The following CSMD1 variants were observed in gnomAD, a reference collection of about 807,000 sequenced individuals.
CSMD1 encodes CUB and sushi domain-containing protein 1.
Under a neutral mutation model 417.5 loss-of-function variants are expected in CSMD1, and 213 were observed. The observed-to-expected ratio is 0.51, with a 90% confidence interval of 0.46 to 0.57. The LOEUF (loss-of-function observed/expected upper bound fraction) is 0.57, where lower values mean the gene tolerates loss of function less well. Among genes scored for constraint, CSMD1 ranks in the 20% least tolerant of loss-of-function variants. The pLI, the probability that CSMD1 is intolerant of heterozygous loss-of-function variation, is 0.00. For synonymous variants in CSMD1, 2,862 were observed against 1,736.8 expected (o/e 1.65, Z -16.11); for missense variants, 6,923 against 4,529.7 (o/e 1.53, Z -15.17).
At chr8:4,769,271 G>C (rs1049832588) in intron 1 of CSMD1, among the ~76,000 whole-genome samples, 1 of 152,172 alleles carries the variant, frequency 6.6e-6, no homozygotes, top group African/African-American at 2.4e-5. Flanking sequence ...AACAAATTGA[G>C]TGCCTGAAAG....
At chr8:4,887,016 G>C (rs1203149299) in intron 1 of CSMD1, among the ~76,000 whole-genome samples, 1 of 151,748 alleles carries the variant, frequency 6.6e-6, no homozygotes, top group African/African-American at 2.4e-5. Context: ...CCTCTTGCTT[G>C]GTTTGTGTTA....
At chr8:4,198,850 G>T (rs187163703) in intron 3 of CSMD1, among the ~76,000 whole-genome samples, 1 of 151,924 alleles carries the variant, frequency 6.6e-6, no homozygotes, top group Non-Finnish European at 1.5e-5. Context: ...GAGAGACAGC[G>T]CAACAATATC....
intron 3 of CSMD1, among the ~76,000 whole-genome samples, chr8:4,341,693 G>A (rs1032556107): frequency 2.0e-5 from 3 of 152,090 alleles, no homozygotes; most frequent in Non-Finnish European, 2.9e-5. Context: ...CAAGATAAAT[G>A]GAAACCTAAG....
chr8:3,730,287 T>C (rs748406192), intron 6 of CSMD1, among the ~76,000 whole-genome samples: 1 of 151,810 alleles, frequency 6.6e-6, no homozygotes, highest in African/African-American at 2.4e-5. Flanking sequence ...GGATGCATCA[T>C]CCCTGACTCA....
At chr8:4,290,553 A>G (rs903206821) in intron 3 of CSMD1, among the ~76,000 whole-genome samples, 3 of 152,202 alleles carry the variant, frequency 2.0e-5, no homozygotes. Context: ...AAGATGAAGA[A>G]GGGCCATTCA....
At chr8:4,266,117 G>A (rs1009741241) in intron 3 of CSMD1, among the ~76,000 whole-genome samples, 1 of 102,744 alleles carries the variant, frequency 9.7e-6, no homozygotes, top group Non-Finnish European at 2.6e-5. Context: ...TGATCATTTG[G>A]AACTGACTTA....
intron 12 of CSMD1, among the ~76,000 whole-genome samples, chr8:3,461,049 T>A (rs186095809): frequency 6.6e-6 from 1 of 152,308 alleles, no homozygotes; most frequent in Admixed American, 6.5e-5. Context: ...TTACAGCACA[T>A]GAGTTCATGT....
chr8:3,409,648 A>G, intron 12 of CSMD1, 43 bp from the exon 13 acceptor site: 1 of 1,459,218 alleles, frequency 6.9e-7, no homozygotes, highest in South Asian at 1.4e-5. Context: ...AAACACACAC[A>G]AGGAATATTT....
intron 6 of CSMD1, among the ~76,000 whole-genome samples, chr8:3,710,593 C>A (rs1161814331): frequency 6.6e-6 from 1 of 152,150 alleles, no homozygotes; most frequent in Admixed American, 6.5e-5. Context: ...CCTCTCTGGT[C>A]TTCCTGTGCT....
chr8:3,135,436 C>T (rs1365567534), intron 41 of CSMD1, among the ~76,000 whole-genome samples: 1 of 151,354 alleles, frequency 6.6e-6, no homozygotes, highest in South Asian at 2.1e-4. Context: ...GTGAAGTCTG[C>T]TGATCACATT....
At chr8:3,611,514 T>A (rs1287081194) in intron 8 of CSMD1, among the ~76,000 whole-genome samples, 1 of 151,160 alleles carries the variant, frequency 6.6e-6, no homozygotes, top group Non-Finnish European at 1.5e-5. Flanking sequence ...TGAATGAGTC[T>A]TTTACTTCAA....
At chr8:4,827,301 A>T (rs1275736128) in intron 1 of CSMD1, among the ~76,000 whole-genome samples, 1 of 152,140 alleles carries the variant, frequency 6.6e-6, no homozygotes, top group African/African-American at 2.4e-5. Flanking sequence ...AAGCAGAAAG[A>T]CCAGAATGGT....
intron 52 of CSMD1, among the ~76,000 whole-genome samples, chr8:3,005,463 C>T (rs1000029620): frequency 2.6e-5 from 4 of 152,066 alleles, no homozygotes; most frequent in Non-Finnish European, 5.9e-5. Context: ...GGCAGAAACA[C>T]AACCAAAAAA....
At chr8:3,561,163 G>A (rs1026709723) in intron 10 of CSMD1, among the ~76,000 whole-genome samples, 2 of 152,174 alleles carry the variant, frequency 1.3e-5, no homozygotes, top group African/African-American at 4.8e-5. Context: ...GCAAGGATGT[G>A]CAGAAAGCAA....
chr8:4,367,590 A>G (rs886636847), intron 3 of CSMD1, among the ~76,000 whole-genome samples: 2 of 152,062 alleles, frequency 1.3e-5, no homozygotes, highest in Admixed American at 6.5e-5. Context: ...TCTTTTTCTA[A>G]TTCTGTAAAA....
intron 3 of CSMD1, among the ~76,000 whole-genome samples, chr8:4,131,619 G>A (rs563273624): frequency 6.6e-6 from 1 of 152,000 alleles, no homozygotes; most frequent in Non-Finnish European, 1.5e-5. Flanking sequence ...CTTGAGAATA[G>A]GTACAGCTTC....
intron 3 of CSMD1, among the ~76,000 whole-genome samples, chr8:4,382,122 CAAT>C (rs1439984472): frequency 6.6e-6 from 1 of 152,104 alleles, no homozygotes; most frequent in Non-Finnish European, 1.5e-5. Context: ...GAATGCACTT[CAAT>C]AAAGGACATC....
At chr8:4,892,270 C>G (rs1178549439) in intron 1 of CSMD1, among the ~76,000 whole-genome samples, 2 of 152,000 alleles carry the variant, frequency 1.3e-5, no homozygotes, top group Admixed American at 6.6e-5. Flanking sequence ...CCTGGGTAGC[C>G]AGGTGTCCCT....
At chr8:3,955,594 C>G (rs1430764597) in intron 5 of CSMD1, among the ~76,000 whole-genome samples, 1 of 152,068 alleles carries the variant, frequency 6.6e-6, no homozygotes, top group Non-Finnish European at 1.5e-5. Flanking sequence ...GCTACCTGCC[C>G]TGCTCCATTT....
Sources: allele counts gnomAD v4.1 joint callset (sites outside exome capture counted in the v4.1 genomes callset), GRCh38; gene constraint gnomAD v4.1.1; transcripts MANE v1.5; gene names NCBI Gene and HGNC (gene_info 2026-07-23, HGNC 2026-07-21).